The following HROB variants were observed in gnomAD, a reference collection of about 807,000 sequenced individuals.
HROB encodes the protein homologous recombination factor with OB-fold.
Under a neutral mutation model 61.0 loss-of-function variants are expected in HROB, and 44 were observed. The observed-to-expected ratio is 0.72, with a 90% CI of 0.57 to 0.93. HROB has a LOEUF of 0.93. Among genes scored for constraint, HROB ranks in the 40% least tolerant of loss-of-function variants. The pLI, the probability that HROB is intolerant of heterozygous loss-of-function variation, is 0.00. For synonymous variants in HROB, 301 were observed against 310.4 expected, an observed-to-expected ratio of 0.97 and a Z score of 0.32; for missense variants, 716 against 796.2, an observed-to-expected ratio of 0.90 and a Z score of 1.21.
chr17:44,148,925 G>T lies in HROB; in HGVS notation c.1122G>T (p.Gln374His). Residue 374 changes from glutamine to histidine, a missense_variant, in exon 3 of 10, where the codon CAG becomes CAT. Coordinates refer to ENST00000585683, the MANE Select transcript of HROB (RefSeq NM_001171251.3). ...QTPIVTNHLV[Q>H]LVTAASRTPQ... is the part of the protein sequence containing the mutation. ...CCATAGTCACCAACCACCTGGTGCA[G>T]CTAGTCACTGCTGCCAGCCGGACAC... The T allele has an allele frequency of 6.2e-7, 1 of 1,614,166 alleles. No individual in the cohort carries two copies. Among genetic ancestry groups the T allele is most frequent in the Non-Finnish European group, 8.5e-7 (1 of 1,180,030 alleles).
At position 44,155,303 on chromosome 17, in the gene HROB, T is replaced by C. The variant is rs1212078680; in HGVS notation, c.1662T>C (p.Pro554=). Residue 554 remains proline (P), a synonymous_variant, in exon 8 of 10, where the codon CCT becomes CCC. Coordinates refer to ENST00000585683, the MANE Select transcript of HROB (RefSeq NM_001171251.3). ...GACTCCAGATTGGAGTGTTTTCTCCTTCACTTCGAAATCACTACCTCAACG... is the reference window on the plus strand; with the variant it reads ...GACTCCAGATTGGAGTGTTTTCTCCCTCACTTCGAAATCACTACCTCAACG... ...LLLKQIGVFS[P]SLRNHYLNVT... 6.2e-7 allele frequency: 1 copy of C among 1,614,172 alleles called. No individual in the cohort carries two copies.
rs1445301940 is a variant in HROB at position 44,162,155 on chromosome 17, G to A, written c.*223G>A. ...CCGTTGGCACCAGAATCCGGCCGGA[G>A]ACTGGCTCTCCAGCCAACAAGAAAG... On this transcript the variant is annotated 3_prime_UTR_variant, in exon 10 of 10. Coordinates refer to ENST00000585683, the MANE Select transcript of HROB (RefSeq NM_001171251.3). 5 of 514,118 alleles carry A rather than the reference G, an allele frequency of 9.7e-6. No individual in the cohort carries two copies. The highest frequency in any genetic ancestry group is 1.7e-5 in the Non-Finnish European group (5 of 289,092). The allele number at this position is 514,118 out of a possible 1,614,324, so 31.8% of individuals were successfully genotyped here.
intron 5 of HROB, 147 bp from the exon 6 acceptor site, chr17:44,154,409 G>A: frequency 2.9e-6 from 2 of 681,118 alleles, no homozygotes; most frequent in Non-Finnish European, 2.6e-6. Flanking sequence ...GAGAGAGATG[G>A]GGTACCTCCT....
At chr17:44,158,838 G>A (rs1252511204) in intron 9 of HROB, among the ~76,000 whole-genome samples, 1 of 152,006 alleles carries the variant, frequency 6.6e-6, no homozygotes, top group Non-Finnish European at 1.5e-5. Context: ...TAGTAGAGAC[G>A]GGGTTTCACT....
rs2053719022 is a variant in HROB, at chr17:44,149,139, A to C, written c.1224+112A>C. ...TGCAGAGAAGGAAGGAAGGAAGTGC[A>C]GAGAGGCTTTTCAAAGCTGCAGGAG... On this transcript the variant is annotated intron_variant, in intron 3 of 9. Coordinates refer to ENST00000585683, the MANE Select transcript of HROB (RefSeq NM_001171251.3). The C allele has an allele frequency of 6.2e-6, 7 of 1,134,466 alleles. No individual in the cohort carries two copies. The South Asian group carries it at 9.5e-5, about 15-fold the overall frequency. 70.3% of individuals were successfully genotyped at this position (1,134,466 alleles called of 1,614,324 possible).
chr17:44,147,433 T>C (rs2053643041), intron 2 of HROB, among the ~76,000 whole-genome samples: 1 of 132,300 alleles, frequency 7.6e-6, no homozygotes, highest in Non-Finnish European at 1.5e-5. Flanking sequence ...TTTTCTTTTC[T>C]TTCTTTTTTT....
intron 9 of HROB, among the ~76,000 whole-genome samples, chr17:44,160,072 C>CG (rs1348117553): frequency 6.6e-6 from 1 of 152,214 alleles, no homozygotes; most frequent in African/African-American, 2.4e-5. Context: ...TGCTAAGTAA[C>CG]GGGTGCCTTA....
At chr17:44,157,765 G>A in intron 8 of HROB, 68 bp from the exon 9 acceptor site, 1 of 1,215,478 alleles carries the variant, frequency 8.2e-7, no homozygotes. Context: ...GGTTGTCTGG[G>A]TAGAGGTGGT....
At chr17:44,154,790 G>A (rs2053921547) in intron 6 of HROB, 63 bp from the exon 7 acceptor site, 1 of 1,601,610 alleles carries the variant, frequency 6.2e-7, no homozygotes, top group South Asian at 1.1e-5. Context: ...TCCCAGCCAG[G>A]GCCCATACCA....
intron 7 of HROB, 55 bp downstream of exon 7, chr17:44,154,993 G>A: frequency 6.4e-7 from 1 of 1,570,868 alleles, no homozygotes. Context: ...CTCAGTGTCT[G>A]TCTCCTTACC....
At position 44,142,091 on chromosome 17, in the gene HROB, C is replaced by T. The variant is rs1429234034; in HGVS notation, c.-52C>T. On this transcript the variant is annotated 5_prime_UTR_variant, in exon 1 of 10. Coordinates refer to ENST00000585683, the MANE Select transcript of HROB (RefSeq NM_001171251.3). Reference sequence around the variant, plus strand: ...CGTGTCCAAGGCCCCGGCGACTCCCCGGACTCGGGGTGCCGGGCCAACCTC... The same window carrying T: ...CGTGTCCAAGGCCCCGGCGACTCCCTGGACTCGGGGTGCCGGGCCAACCTC... 6 of 1,530,784 alleles carry T rather than the reference C, an allele frequency of 3.9e-6. No homozygotes were observed. The East Asian group carries it at 1.0e-4, about 25-fold the overall frequency. The allele number at this position is 1,530,784 out of a possible 1,614,324, so 94.8% of individuals were successfully genotyped here. A position where few individuals can be genotyped will look rare whatever the true frequency, so the allele number is the denominator to read the frequency against.
chr17:44,142,223 C>T (rs2053465926), intron 1 of HROB, 78 bp downstream of exon 1: 2 of 1,386,214 alleles, frequency 1.4e-6, no homozygotes, highest in Middle Eastern at 2.6e-4. Context: ...GGTTCCAGCC[C>T]CTCGCCCGCG....
At chr17:44,147,420 T>C (rs899853279) in intron 2 of HROB, among the ~76,000 whole-genome samples, 7 of 148,658 alleles carry the variant, frequency 4.7e-5, no homozygotes, top group African/African-American at 1.8e-4. Flanking sequence ...GGTTTCTTTT[T>C]CTTTTTCTTT....
At chr17:44,149,885 G>A (rs1484922301) in intron 3 of HROB, among the ~76,000 whole-genome samples, 1 of 152,240 alleles carries the variant, frequency 6.6e-6, no homozygotes, top group Non-Finnish European at 1.5e-5. Flanking sequence ...TGGGTGCTGG[G>A]AAGACACTGG....
rs1393261820 is a variant in HROB, at chr17:44,161,979, C to T, written c.*47C>T. 1 of 1,577,018 alleles carries T rather than the reference C, an allele frequency of 6.3e-7. No homozygotes were observed. The highest frequency in any genetic ancestry group is 8.7e-7 in the Non-Finnish European group (1 of 1,146,694). On this transcript the variant is annotated 3_prime_UTR_variant, in exon 10 of 10. Transcript: ENST00000585683. The stretch of plus-strand genomic sequence containing the variant: ...CCCACCATGAGCAGGCAGCTCTGGG[C>T]ATGTGTCTGGTCACATCCAAGGGGG...
intron 2 of HROB, 35 bp from the exon 3 acceptor site, chr17:44,147,823 A>G: frequency 6.4e-7 from 1 of 1,568,836 alleles, no homozygotes; most frequent in Non-Finnish European, 8.7e-7. Context: ...CTTGATTTCC[A>G]GATGCCAAGA....
chr17:44,142,466 CTTTTTTTTTTT>C, intron 1 of HROB, among the ~76,000 whole-genome samples: 1 of 137,848 alleles, frequency 7.3e-6, no homozygotes, highest in South Asian at 2.3e-4. Flanking sequence ...ACACTTTCTA[CTTTTTTTTTTT>C]TTTTTTTTGG....
In HROB at chr17:44,147,996, C is replaced by T; in HGVS notation, c.193C>T (p.Pro65Ser). 1 of 1,614,016 alleles carries T rather than the reference C, an allele frequency of 6.2e-7. No individual in the cohort carries two copies. Among genetic ancestry groups the T allele is most frequent in the South Asian group, 1.1e-5 (1 of 91,088 alleles). ...AQSSRLLLLH[P>S]TAPSEALGLP... ...GTCCTCCAGGCTGCTGCTGTTACACCCCACTGCTCCCTCAGAGGCTTTGGG... is the reference window on the plus strand; with the variant it reads ...GTCCTCCAGGCTGCTGCTGTTACACTCCACTGCTCCCTCAGAGGCTTTGGG... Residue 65 changes from proline (P) to serine (S), a missense_variant, in exon 3 of 10, where the codon CCC (proline) becomes TCC (serine). Transcript: ENST00000585683.
At chr17:44,145,077 C>T (rs775505338) in intron 1 of HROB, 126 bp from the exon 2 acceptor site, 42 of 1,031,758 alleles carry the variant, frequency 4.1e-5, no homozygotes, top group African/African-American at 3.8e-4. Context: ...CTTTCCCAGC[C>T]GTAGCAAAAA....
Sources: gnomAD v4.1 joint callset for allele counts (sites outside exome capture counted in the v4.1 genomes callset) on GRCh38, gnomAD v4.1.1 for gene constraint, MANE v1.5 for transcripts, NCBI Gene and HGNC (gene_info 2026-07-23, HGNC 2026-07-21) for gene names.